GFRA2: variants seen among roughly 807,000 people sequenced by gnomAD.
The protein encoded by GFRA2 is GDNF family receptor alpha-2.
Under a neutral mutation model 48.3 loss-of-function variants are expected in GFRA2, and 17 were observed. That is an observed-to-expected ratio of 0.35 (90% CI 0.24 to 0.53). The LOEUF (loss-of-function observed/expected upper bound fraction) is 0.53, where lower values mean the gene tolerates loss of function less well. Among genes scored for constraint, GFRA2 ranks in the 20% least tolerant of loss-of-function variants. The pLI is 0.93. For synonymous variants in GFRA2, 305 were observed against 257.2 expected (o/e 1.19, Z -1.78); for missense variants, 660 against 637.3 (o/e 1.04, Z -0.38).
chr8:21,750,457 C>A lies in GFRA2; in HGVS notation c.794+131G>T. The A allele has an allele frequency of 1.6e-6, 1 of 607,230 alleles. No homozygotes were observed. Among genetic ancestry groups the A allele is most frequent in the East Asian group, 2.8e-5 (1 of 36,214 alleles). 37.6% of individuals were successfully genotyped at this position (607,230 alleles called of 1,614,324 possible). A position where few individuals can be genotyped will look rare whatever the true frequency, so the allele number is the denominator to read the frequency against. On this transcript the variant is annotated intron_variant, in intron 4 of 8. Transcript: ENST00000524240. This position sits in a 1 kb window ranked among gnomAD's most constrained non-coding sequence, Gnocchi z 5.7. ...TGCACATGTCCAAGTCAGTTTTACCCTTTTTGACACCCTTTCTGCTGGACT... is the reference window on the plus strand; with the variant it reads ...TGCACATGTCCAAGTCAGTTTTACCATTTTTGACACCCTTTCTGCTGGACT...
intron 4 of GFRA2, among the ~76,000 whole-genome samples, chr8:21,735,655 T>C (rs1016353468): frequency 1.3e-5 from 2 of 152,094 alleles, no homozygotes; most frequent in Non-Finnish European, 1.5e-5. Flanking sequence ...CAGGTGCTCA[T>C]TGTTGTGTTG....
intron 4 of GFRA2, among the ~76,000 whole-genome samples, chr8:21,708,765 A>C (rs1340424218): frequency 2.0e-5 from 3 of 152,170 alleles, no homozygotes; most frequent in Non-Finnish European, 4.4e-5. Context: ...CAGTGCCTGA[A>C]ACTAAGAGAA....
At chr8:21,784,949 T>C (rs1807195844) in intron 1 of GFRA2, among the ~76,000 whole-genome samples, 1 of 152,106 alleles carries the variant, frequency 6.6e-6, no homozygotes, top group African/African-American at 2.4e-5. Context: ...GCCCCGCCTG[T>C]ACCTGCGGCC....
At chr8:21,695,107 C>G (rs556725896) in intron 7 of GFRA2, among the ~76,000 whole-genome samples, 54 of 152,186 alleles carry the variant, frequency 3.5e-4, no homozygotes, top group Non-Finnish European at 6.3e-4. Flanking sequence ...ACTGCACCAG[C>G]CCATTTCTGT....
chr8:21,759,134 T>C lies in GFRA2; in HGVS notation c.440-8192A>G, dbSNP rs573436351. ...GGTCGGCCGCAGTGGCTCACACCTGTAGCCCCAGCGCTTTGAGAGGCTGAG... is the reference window on the plus strand; with the variant it reads ...GGTCGGCCGCAGTGGCTCACACCTGCAGCCCCAGCGCTTTGAGAGGCTGAG... On this transcript the variant is annotated intron_variant, in intron 3 of 8. Coordinates refer to ENST00000524240, the MANE Select transcript of GFRA2 (RefSeq NM_001495.5). 4.6e-5 allele frequency among the ~76,000 whole-genome samples: 7 copies of C among 152,294 alleles called. No homozygotes were observed. The South Asian group carries it at 1.4e-3, about 32-fold the overall frequency.
intron 3 of GFRA2, among the ~76,000 whole-genome samples, chr8:21,766,520 C>A (rs1367801431): frequency 6.6e-6 from 1 of 151,716 alleles, no homozygotes; most frequent in Non-Finnish European, 1.5e-5. Context: ...CCCGAGTTAG[C>A]GCGGAAGCCT....
At chr8:21,753,487 C>A (rs1805396464) in intron 3 of GFRA2, among the ~76,000 whole-genome samples, 1 of 152,038 alleles carries the variant, frequency 6.6e-6, no homozygotes, top group African/African-American at 2.4e-5. Context: ...ATGTGGTGGA[C>A]TACACCCAGC....
At chr8:21,727,276 C>T (rs1192866431) in intron 4 of GFRA2, among the ~76,000 whole-genome samples, 1 of 152,162 alleles carries the variant, frequency 6.6e-6, no homozygotes, top group Non-Finnish European at 1.5e-5. Flanking sequence ...TCCAGGGTCA[C>T]AGGCTCTGTT....
At chr8:21,696,527 G>T (rs1260613555) in intron 7 of GFRA2, among the ~76,000 whole-genome samples, 1 of 152,122 alleles carries the variant, frequency 6.6e-6, no homozygotes, top group East Asian at 1.9e-4. Flanking sequence ...TCTCAGGGGA[G>T]CCCCGGACCT....
At chr8:21,758,435 G>A (rs962814756) in intron 3 of GFRA2, among the ~76,000 whole-genome samples, 2 of 152,114 alleles carry the variant, frequency 1.3e-5, no homozygotes, top group Admixed American at 6.5e-5. Context: ...CCAGCCAATG[G>A]GGACCCAGGT....
rs371360893 is a variant in GFRA2 at position 21,694,522 on chromosome 8, G to A, written c.1219-5C>T. ...GTTGGCCTTCAGCCCCTGCTCCTGCGAGAGAGAAGGTGCCAGTCAGGACGA... is the reference window on the plus strand; with the variant it reads ...GTTGGCCTTCAGCCCCTGCTCCTGCAAGAGAGAAGGTGCCAGTCAGGACGA... On this transcript the variant is annotated splice_region_variant and splice_polypyrimidine_tract_variant and intron_variant, in intron 7 of 8. Transcript: ENST00000524240. The A allele has an allele frequency of 9.3e-5, 149 of 1,608,946 alleles. No homozygotes were observed. The highest frequency in any genetic ancestry group is 4.9e-4 in the Middle Eastern group (3 of 6,080).
intron 4 of GFRA2, among the ~76,000 whole-genome samples, chr8:21,719,567 T>C (rs1037756579): frequency 1.3e-5 from 2 of 152,258 alleles, no homozygotes; most frequent in African/African-American, 4.8e-5. Context: ...CGAGTCACTA[T>C]AGACTTGCTG....
chr8:21,792,155 T>TG (rs1807584109), upstream of GFRA2, among the ~76,000 whole-genome samples: 2 of 151,938 alleles, frequency 1.3e-5, no homozygotes, highest in African/African-American at 4.8e-5. Flanking sequence ...GCTTATGGAG[T>TG]GGGTTCTCTG....
chr8:21,787,272 C>A (rs796122053), intron 1 of GFRA2, among the ~76,000 whole-genome samples: 2 of 72,316 alleles, frequency 2.8e-5, no homozygotes, highest in African/African-American at 8.0e-5. Context: ...GCGGGGGGGG[C>A]AGTGGGGGGG....
At position 21,702,478 on chromosome 8, in the gene GFRA2, C is replaced by A. The variant is rs184657266; in HGVS notation, c.1218+327G>T. 9.8e-5 allele frequency among the ~76,000 whole-genome samples: 15 copies of A among 152,294 alleles called. No homozygotes were observed. The East Asian group carries it at 2.9e-3, about 29-fold the overall frequency. ...ACTGTTGACCCTAGGAGCCTGCTGC[C>A]CCACTCAGACGGGTGCCTCACTGCC... On this transcript the variant is annotated intron_variant, in intron 7 of 8. Coordinates refer to ENST00000524240, the MANE Select transcript of GFRA2 (RefSeq NM_001495.5).
chr8:21,717,887 C>T (rs778087792), intron 4 of GFRA2, among the ~76,000 whole-genome samples: 19 of 152,214 alleles, frequency 1.2e-4, no homozygotes, highest in Non-Finnish European at 2.6e-4. Context: ...GAGGTCCTGA[C>T]TTCTTCAAGA....
At chr8:21,780,353 C>G (rs1208119769) in intron 2 of GFRA2, among the ~76,000 whole-genome samples, 1 of 152,146 alleles carries the variant, frequency 6.6e-6, no homozygotes, top group Non-Finnish European at 1.5e-5. Flanking sequence ...GCATCTGACC[C>G]TGTTGAGGGT....
chr8:21,715,842 C>T (rs771848724), intron 4 of GFRA2, among the ~76,000 whole-genome samples: 21 of 151,972 alleles, frequency 1.4e-4, no homozygotes, highest in African/African-American at 3.1e-4. Context: ...TGCAGCTAAC[C>T]GGAGGGAGAA....
chr8:21,804,821 G>A (rs545385388), intron 2 of GFRA2, among the ~76,000 whole-genome samples: 7 of 152,056 alleles, frequency 4.6e-5, no homozygotes, highest in Admixed American at 2.6e-4. Context: ...CTTTCACCCC[G>A]GCCTCATTGG....
Sources: allele counts gnomAD v4.1 joint callset (sites outside exome capture counted in the v4.1 genomes callset), GRCh38; gene constraint gnomAD v4.1.1; non-coding constraint Gnocchi (gnomAD v3.1); transcripts MANE v1.5; gene names NCBI Gene and HGNC (gene_info 2026-07-23, HGNC 2026-07-21).